Variants in POMP observed in about 807,000 individuals in gnomAD.
POMP encodes proteasome maturation protein.
Under a neutral mutation model 20.6 loss-of-function variants are expected in POMP, and 12 were observed. The observed-to-expected ratio is 0.58, with a 90% CI of 0.37 to 0.94. The LOEUF (loss-of-function observed/expected upper bound fraction) is 0.94, where lower values mean the gene tolerates loss of function less well. Ranked by LOEUF, POMP falls within the 40% of genes least tolerant of loss-of-function variation. The pLI is 0.01. For synonymous variants in POMP, 53 were observed against 55.0 expected, an observed-to-expected ratio of 0.96 and a Z score of 0.16; for missense variants, 136 against 161.1, an observed-to-expected ratio of 0.84 and a Z score of 0.84.
At chr13:28,670,042 G>A (rs1167571673) in intron 4 of POMP, among the ~76,000 whole-genome samples, 7 of 152,086 alleles carry the variant, frequency 4.6e-5, no homozygotes, top group African/African-American at 7.2e-5. Flanking sequence ...CCTGGGAGTC[G>A]GAGGTTGCAG....
At chr13:28,666,581 T>G (rs6490320) in intron 3 of POMP, among the ~76,000 whole-genome samples, 5,498 of 152,340 alleles carry the variant, frequency 0.036, 312 homozygotes, top group African/African-American at 0.12. Context: ...TGACTCTTAC[T>G]GTCTATTATA....
chr13:28,671,598 G>A (rs530252190), intron 4 of POMP, among the ~76,000 whole-genome samples: 1 of 150,294 alleles, frequency 6.7e-6, no homozygotes, highest in Non-Finnish European at 1.5e-5. Context: ...TTAATTTACA[G>A]GTTCCTATTT....
chr13:28,665,040 A>G (rs1203844711), intron 3 of POMP, among the ~76,000 whole-genome samples: 1 of 152,188 alleles, frequency 6.6e-6, no homozygotes, highest in African/African-American at 2.4e-5. Context: ...AGCAGTGGGT[A>G]GGAGAAGGCT....
Position 28,660,641 on chromosome 13 carries a change from GT to G in POMP, c.3+1456del, listed in dbSNP as rs555297696. 3.7e-4 allele frequency among the ~76,000 whole-genome samples: 57 copies of G among 152,300 alleles called. No homozygotes were observed. The South Asian group carries it at 7.0e-3, about 19-fold the overall frequency. On this transcript the variant is annotated intron_variant, in intron 1 of 5. Coordinates refer to ENST00000380842, the MANE Select transcript of POMP (RefSeq NM_015932.6). ...CAGATGAGTAAACAAGGCCAGAGAG[GT>G]TGGTGCTTTGCTGGCAGTCACAAAG...
chr13:28,678,632 G>A lies in POMP; in HGVS notation c.*530G>A, dbSNP rs1414512119. The A allele has an allele frequency of 6.5e-6, 1 of 153,638 alleles. No individual in the cohort carries two copies. The highest frequency in any genetic ancestry group is 6.5e-5 in the Admixed American group (1 of 15,460). The allele number at this position is 153,638 out of a possible 1,614,324, so 9.5% of individuals were successfully genotyped here. On this transcript the variant is annotated 3_prime_UTR_variant, in exon 6 of 6. Transcript: ENST00000380842. ...TTGTTTGATTATTTCAGGTTGAAAA[G>A]TAGAAGTTCCAAGGTTTTGATTTTG... is the stretch of plus-strand genomic sequence containing the variant.
intron 4 of POMP, among the ~76,000 whole-genome samples, chr13:28,669,894 T>A (rs1884516328): frequency 6.6e-6 from 1 of 152,034 alleles, no homozygotes. Context: ...TCACTCAAGC[T>A]CAGGTGTTCA....
At chr13:28,670,002 C>T (rs1057048784) in intron 4 of POMP, among the ~76,000 whole-genome samples, 15 of 152,174 alleles carry the variant, frequency 9.9e-5, no homozygotes, top group African/African-American at 2.4e-4. Context: ...CCCAGCTACT[C>T]AGGAGGCTGA....
intron 3 of POMP, among the ~76,000 whole-genome samples, chr13:28,666,564 CTT>C (rs1884451347): frequency 6.6e-6 from 1 of 152,206 alleles, no homozygotes; most frequent in African/African-American, 2.4e-5. Context: ...CAGTCTCACT[CTT>C]TATGTGACTC....
At chr13:28,662,532 ATT>A in intron 2 of POMP, 25 bp downstream of exon 2, 4 of 1,533,038 alleles carry the variant, frequency 2.6e-6, no homozygotes, top group Non-Finnish European at 3.6e-6. Flanking sequence ...TATGACTTTG[ATT>A]TTGTTATGTT....
At position 28,662,388 on chromosome 13, in the gene POMP, A is replaced by T. The variant is rs746376842; in HGVS notation, c.4-22A>T. ...GTTTAAATTTTTTTTCTATTTAATA[A>T]TGTTTTTTATTTGTGTTGTAGAATG... On this transcript the variant is annotated intron_variant, in intron 1 of 5. Coordinates refer to ENST00000380842, the MANE Select transcript of POMP (RefSeq NM_015932.6). The T allele has an allele frequency of 7.0e-6, 11 of 1,568,638 alleles. No individual in the cohort carries two copies. In the East Asian group the frequency reaches 2.0e-4, roughly 29 times the overall value.
At chr13:28,659,610 G>T (rs1036753101) in intron 1 of POMP, among the ~76,000 whole-genome samples, 1 of 151,728 alleles carries the variant, frequency 6.6e-6, no homozygotes, top group African/African-American at 2.4e-5. Context: ...CCCAGCCCCC[G>T]CCCTTGTAAC....
chr13:28,665,837 C>T (rs547786281), intron 3 of POMP, among the ~76,000 whole-genome samples: 2 of 152,210 alleles, frequency 1.3e-5, no homozygotes, highest in Admixed American at 6.5e-5. Flanking sequence ...GATTATTAAC[C>T]GAGTGAAAGT....
intron 5 of POMP, among the ~76,000 whole-genome samples, chr13:28,673,146 C>A (rs952441943): frequency 6.6e-6 from 1 of 150,850 alleles, no homozygotes; most frequent in Non-Finnish European, 1.5e-5. Context: ...TCTCAGCTCA[C>A]TGCAACTTCC....
chr13:28,675,243 C>G (rs1250173675), intron 5 of POMP, among the ~76,000 whole-genome samples: 1 of 151,644 alleles, frequency 6.6e-6, no homozygotes, highest in African/African-American at 2.4e-5. Context: ...TGGGTTCAAG[C>G]AATTCTCCTG....
At chr13:28,672,889 T>G (rs1884573989) in intron 5 of POMP, among the ~76,000 whole-genome samples, 1 of 152,194 alleles carries the variant, frequency 6.6e-6, no homozygotes, top group Admixed American at 6.5e-5. Context: ...ACAATGATAA[T>G]TATTTCAGAA....
intron 4 of POMP, among the ~76,000 whole-genome samples, chr13:28,670,911 G>C (rs1454917624): frequency 6.6e-6 from 1 of 152,156 alleles, no homozygotes; most frequent in African/African-American, 2.4e-5. Context: ...GCCAGGCCTG[G>C]TGGCATGTGC....
At chr13:28,665,019 T>C (rs1170383327) in intron 3 of POMP, among the ~76,000 whole-genome samples, 1 of 152,102 alleles carries the variant, frequency 6.6e-6, no homozygotes, top group African/African-American at 2.4e-5. Context: ...TAAAATTTAA[T>C]GAGGAAGACA....
At chr13:28,664,644 TA>T in intron 3 of POMP, 75 bp downstream of exon 3, 2 of 963,644 alleles carry the variant, frequency 2.1e-6, no homozygotes, top group African/African-American at 1.7e-5. Context: ...TTCATTTTAT[TA>T]AAACAATTTT....
intron 5 of POMP, among the ~76,000 whole-genome samples, chr13:28,674,963 C>T (rs1884604669): frequency 6.6e-6 from 1 of 151,870 alleles, no homozygotes; most frequent in African/African-American, 2.4e-5. Flanking sequence ...CACTTGAGCC[C>T]AGGAATTTGA....
Sources: gnomAD v4.1 joint callset for allele counts (sites outside exome capture counted in the v4.1 genomes callset) on GRCh38, gnomAD v4.1.1 for gene constraint, MANE v1.5 for transcripts, NCBI Gene and HGNC (gene_info 2026-07-23, HGNC 2026-07-21) for gene names.